The following HYDIN variants were observed in gnomAD, a reference collection of about 807,000 sequenced individuals.
The protein encoded by HYDIN is HYDIN axonemal central pair apparatus protein.
HYDIN carries 132 observed loss-of-function variants against 403.9 expected under a neutral mutation model. The ratio of observed to expected loss-of-function variants is 0.33; its 90% CI spans 0.28 to 0.38. The LOEUF is 0.38. HYDIN is among the 10% of genes least tolerant of loss of function. HYDIN has a pLI of 1.00. For missense variants in HYDIN, 2,827 were observed against 5,009.5 expected (o/e 0.56, Z 13.15); for synonymous variants, 1,202 against 1,891.7 (o/e 0.64, Z 9.46).
intron 83 of HYDIN, among the ~76,000 whole-genome samples, chr16:70,826,867 T>C (rs1025109870): frequency 5.6e-5 from 7 of 125,974 alleles, no homozygotes; most frequent in Non-Finnish European, 9.6e-5. Context: ...AATTCCCAAA[T>C]GTTATCTTTA....
chr16:70,866,409 C>A lies in HYDIN; in HGVS notation c.11311-80G>T, dbSNP rs1017664909. On this transcript the variant is annotated intron_variant, in intron 66 of 85. Transcript: ENST00000393567. ...TGACAATGGAATAGAATAGAGAGACCAGAAACATTCTAGGCATATATAAAA... is the reference window on the plus strand; with the variant it reads ...TGACAATGGAATAGAATAGAGAGACAAGAAACATTCTAGGCATATATAAAA... The A allele has an allele frequency of 5.0e-6, 5 of 994,702 alleles. No homozygotes were observed. In the Admixed American group the frequency reaches 1.0e-4, roughly 20 times the overall value. The allele number at this position is 994,702 out of a possible 1,614,324, so 61.6% of individuals were successfully genotyped here.
chr16:71,024,225 C>T (rs1307613467), intron 21 of HYDIN, among the ~76,000 whole-genome samples: 1 of 152,240 alleles, frequency 6.6e-6, no homozygotes, highest in Non-Finnish European at 1.5e-5. Context: ...TCCAGGCAGA[C>T]TGCACGTCTC....
chr16:71,223,915 C>A (rs2040916116), intron 1 of HYDIN, among the ~76,000 whole-genome samples: 1 of 152,098 alleles, frequency 6.6e-6, no homozygotes, highest in Non-Finnish European at 1.5e-5. Flanking sequence ...AGTAGATCTA[C>A]CATTTCATCC....
At chr16:70,922,950 TAG>T (rs2077040732) in intron 45 of HYDIN, among the ~76,000 whole-genome samples, 1 of 151,728 alleles carries the variant, frequency 6.6e-6, no homozygotes, top group African/African-American at 2.4e-5. Context: ...AATTTTTTTG[TAG>T]AGACACAGTT....
chr16:70,926,331 AATC>A (rs1241188128), intron 45 of HYDIN, among the ~76,000 whole-genome samples: 2 of 152,012 alleles, frequency 1.3e-5, no homozygotes, highest in Admixed American at 1.3e-4. Context: ...TGAAATTGGA[AATC>A]ATCATTCTCA....
At chr16:71,177,571 G>A (rs1025084096) in intron 4 of HYDIN, among the ~76,000 whole-genome samples, 6 of 152,166 alleles carry the variant, frequency 3.9e-5, no homozygotes, top group East Asian at 1.9e-4. Flanking sequence ...GCAAGGCATC[G>A]CTGATTCCCT....
At chr16:71,098,646 T>C (rs2083358153) in intron 10 of HYDIN, among the ~76,000 whole-genome samples, 1 of 150,546 alleles carries the variant, frequency 6.6e-6, no homozygotes, top group Non-Finnish European at 1.5e-5. Flanking sequence ...GAAAGAGAAT[T>C]GCAAATATAT....
chr16:70,837,370 T>C (rs2037500887), intron 77 of HYDIN, among the ~76,000 whole-genome samples: 1 of 152,064 alleles, frequency 6.6e-6, no homozygotes, highest in African/African-American at 2.4e-5. Context: ...GAAAAGGATA[T>C]ACTTGGGGTG....
intron 23 of HYDIN, among the ~76,000 whole-genome samples, chr16:70,996,902 T>C (rs1380360939): frequency 6.6e-6 from 1 of 151,522 alleles, no homozygotes; most frequent in Non-Finnish European, 1.5e-5. Context: ...CACATTACAC[T>C]TATTGTGCAC....
intron 62 of HYDIN, among the ~76,000 whole-genome samples, chr16:70,877,877 C>G (rs2040544251): frequency 6.6e-6 from 1 of 152,016 alleles, no homozygotes; most frequent in Non-Finnish European, 1.5e-5. Flanking sequence ...TGAAAGAAAA[C>G]AACTGCCAAA....
At chr16:71,055,993 T>C (rs969784625) in intron 18 of HYDIN, among the ~76,000 whole-genome samples, 3 of 152,122 alleles carry the variant, frequency 2.0e-5, no homozygotes, top group Admixed American at 6.5e-5. Flanking sequence ...CACTGCTGCA[T>C]CCTCACCCTT....
chr16:70,835,455 A>T (rs1261651202), intron 78 of HYDIN, among the ~76,000 whole-genome samples: 1 of 152,202 alleles, frequency 6.6e-6, no homozygotes, highest in African/African-American at 2.4e-5. Context: ...TGCAAAATGA[A>T]AATAATGTTC....
rs145019797 is a variant in HYDIN, at chr16:70,933,268, G to A, written c.7158+2684C>T. On this transcript the variant is annotated intron_variant, in intron 45 of 85. Transcript: ENST00000393567. ...GCTCCTGGTTGGTCATGGGGTGAAGGTGCAGAAGTGACAGGGTCAGGGTGA... is the reference window on the plus strand; with the variant it reads ...GCTCCTGGTTGGTCATGGGGTGAAGATGCAGAAGTGACAGGGTCAGGGTGA... Among the ~76,000 whole-genome samples, 895 of 152,210 alleles carry A rather than the reference G, an allele frequency of 5.9e-3. 7 individuals are homozygous for A. Among genetic ancestry groups the A allele is most frequent in the African/African-American group, 0.02 (831 of 41,520 alleles).
chr16:71,133,111 G>A (rs536563398), intron 8 of HYDIN: 2 of 402,130 alleles, frequency 5.0e-6, no homozygotes, highest in Non-Finnish European at 4.9e-6. Context: ...AGGGTTGAAC[G>A]AGTAATAGTC....
intron 23 of HYDIN, among the ~76,000 whole-genome samples, chr16:70,994,010 C>T (rs2079444659): frequency 6.6e-6 from 1 of 151,886 alleles, no homozygotes; most frequent in Non-Finnish European, 1.5e-5. Context: ...ACAGGATTAT[C>T]TAGCATATTT....
At chr16:70,876,999 T>A (rs1597196470) in intron 62 of HYDIN, among the ~76,000 whole-genome samples, 1 of 148,330 alleles carries the variant, frequency 6.7e-6, no homozygotes, top group East Asian at 2.0e-4. Flanking sequence ...ACAGTAAACA[T>A]GAATTATTCA....
chr16:70,829,836 A>G lies in HYDIN; in HGVS notation c.13900-6T>C, dbSNP rs776966318. 5 of 1,613,470 alleles carry G rather than the reference A, an allele frequency of 3.1e-6. No individual in the cohort carries two copies. Among genetic ancestry groups the G allele is most frequent in the Middle Eastern group, 3.3e-4 (2 of 6,074 alleles). On this transcript the variant is annotated splice_region_variant and splice_polypyrimidine_tract_variant and intron_variant, in intron 80 of 85. Transcript: ENST00000393567. The stretch of plus-strand genomic sequence containing the variant: ...TGGCACGTGAAATTCACTACCTGGA[A>G]GAAAGCAGGCACCTCATCTTCCATG...
intron 53 of HYDIN, among the ~76,000 whole-genome samples, chr16:70,899,885 C>G (rs1798463): frequency 0.19 from 28,360 of 148,608 alleles, 5,347 homozygotes; most frequent in African/African-American, 0.5. Flanking sequence ...AGCCAAGAAA[C>G]AGCCAAGACA....
At chr16:71,042,727 C>A (rs976696601) in intron 18 of HYDIN, among the ~76,000 whole-genome samples, 7 of 152,212 alleles carry the variant, frequency 4.6e-5, no homozygotes, top group African/African-American at 1.7e-4. Flanking sequence ...ACCAAAGAGG[C>A]AAATTGCCTC....
Sources: allele counts gnomAD v4.1 joint callset (sites outside exome capture counted in the v4.1 genomes callset), GRCh38; gene constraint gnomAD v4.1.1; transcripts MANE v1.5; gene names NCBI Gene and HGNC (gene_info 2026-07-23, HGNC 2026-07-21).